FHIP1B: variants seen among roughly 807,000 people sequenced by gnomAD.
FHIP1B encodes the protein FHF complex subunit HOOK-interacting protein 1B.
FHIP1B carries 28 observed loss-of-function variants against 82.2 expected under a neutral mutation model. The ratio of observed to expected loss-of-function variants is 0.34; its 90% CI spans 0.25 to 0.47. The LOEUF (loss-of-function observed/expected upper bound fraction) is 0.47. Ranked by LOEUF, FHIP1B falls within the 20% of genes least tolerant of loss-of-function variation. The pLI, the probability that FHIP1B is intolerant of heterozygous loss-of-function variation, is 1.00. For synonymous variants in FHIP1B, 585 were observed against 516.1 expected (o/e 1.13, Z -1.81); for missense variants, 1,110 against 1,262.6 (o/e 0.88, Z 1.83).
At chr11:6,227,812 G>A (rs989670110) in intron 1 of FHIP1B, among the ~76,000 whole-genome samples, 5 of 152,144 alleles carry the variant, frequency 3.3e-5, no homozygotes, top group African/African-American at 9.7e-5. Context: ...AGAAGACTTT[G>A]AAGGGAGCCA....
chr11:6,211,700 C>A lies in FHIP1B; in HGVS notation c.2725G>T (p.Gly909Cys), dbSNP rs377652633. 2.0e-5 allele frequency: 33 copies of A among 1,614,090 alleles called. No homozygotes were observed. The highest frequency in any genetic ancestry group is 2.8e-5 in the Non-Finnish European group (33 of 1,180,018). The change falls in exon 12 of 12, where the codon GGC becomes TGC. Residue 909 changes from glycine to cysteine, a missense_variant. Around this residue, in one of 6 missense-constraint regions of FHIP1B, gnomAD observed 147 missense variants for 154.0 expected, o/e 0.95. Coordinates refer to ENST00000449352, the MANE Select transcript of FHIP1B (RefSeq NM_001098794.2). ...TCACCTTGGCGTTCAGGGGCCCCGC[C>A]CCGGGTGAGTAGAACTGGAGTTGAA... ...GASTPVLLTR[G>C]GAPERQGEAL...
chr11:6,228,439 T>C (rs1847619662), intron 1 of FHIP1B, among the ~76,000 whole-genome samples: 1 of 152,072 alleles, frequency 6.6e-6, no homozygotes, highest in Non-Finnish European at 1.5e-5. Context: ...ATGGGGAGGC[T>C]CAAGGGTGTC....
intron 4 of FHIP1B, 83 bp downstream of exon 4, chr11:6,222,997 G>A (rs1321313003): frequency 1.9e-6 from 3 of 1,577,702 alleles, no homozygotes; most frequent in East Asian, 4.5e-5. Context: ...CTTCCAAGAT[G>A]GAAAAATGAC....
In FHIP1B at chr11:6,218,714, G is replaced by A. The variant is rs529633386; in HGVS notation, c.1321C>T (p.Arg441Cys). Residue 441 changes from arginine (R) to cysteine (C), a missense_variant, in exon 8 of 12, where the codon CGT becomes TGT. Coordinates refer to ENST00000449352, the MANE Select transcript of FHIP1B (RefSeq NM_001098794.2). The part of the protein sequence containing the change: ...HVMLSQKPAV[R>C]DVDLYGRAAD... ...GCTCGTCCATATAGGTCCACATCAC[G>A]AACAGCCGGCTTCTGGCTCAGCATA... is the stretch of plus-strand genomic sequence containing the variant. 3.2e-5 allele frequency: 51 copies of A among 1,614,122 alleles called. No homozygotes were observed. The highest frequency in any genetic ancestry group is 1.6e-4 in the Middle Eastern group (1 of 6,062).
Position 6,224,064 on chromosome 11 carries a change from C to T in FHIP1B, c.323G>A (p.Arg108His), listed in dbSNP as rs1847493931. ...EFALHEDLLT[R>H]VLTWQLQWDE... Reference sequence around the variant, plus strand: ...CCATTGCAGCTGCCATGTCAACACACGGGTCAGCAGATCCTCGTGCAGAGC... The same window carrying T: ...CCATTGCAGCTGCCATGTCAACACATGGGTCAGCAGATCCTCGTGCAGAGC... The change falls in exon 3 of 12, where the codon CGT (arginine) becomes CAT (histidine). Residue 108 changes from arginine to histidine, a missense_variant. Around this residue, in one of 6 missense-constraint regions of FHIP1B, gnomAD observed 467 missense variants for 602.9 expected, o/e 0.77. Coordinates refer to ENST00000449352, the MANE Select transcript of FHIP1B (RefSeq NM_001098794.2). 2 of 1,613,354 alleles carry T rather than the reference C, an allele frequency of 1.2e-6. No individual in the cohort carries two copies. Among genetic ancestry groups the T allele is most frequent in the Non-Finnish European group, 8.5e-7 (1 of 1,179,592 alleles).
At position 6,223,891 on chromosome 11, in the gene FHIP1B, C is replaced by G; in HGVS notation, c.496G>C (p.Val166Leu). Reference sequence around the variant, plus strand: ...TCATCCAGTGCTGGGCTACTGGGCACAGGGCGGCCACAGGCATCCAGCAGG... The same window carrying G: ...TCATCCAGTGCTGGGCTACTGGGCAGAGGGCGGCCACAGGCATCCAGCAGG... ...LTLLDACGRP[V>L]PSSPALDEGL... is the part of the protein sequence containing the mutation. Residue 166 changes from valine (V) to leucine (L), a missense_variant, in exon 3 of 12, where the codon GTG becomes CTG. By Grantham distance (32) the Val-to-Leu change is conservative (BLOSUM62 1). This residue lies in a region of FHIP1B where 467 missense variants were observed against 602.9 expected (regional missense o/e 0.77). Transcript: ENST00000449352. This position sits in a 1 kb window ranked among gnomAD's most constrained non-coding sequence, Gnocchi z 4.8. The G allele has an allele frequency of 1.2e-6, 2 of 1,614,198 alleles. No individual in the cohort carries two copies. The highest frequency in any genetic ancestry group is 1.7e-6 in the Non-Finnish European group (2 of 1,180,040).
At position 6,218,633 on chromosome 11, in the gene FHIP1B, G is replaced by A. The variant is rs1402230938; in HGVS notation, c.1402C>T (p.Pro468Ser). 7 of 1,614,028 alleles carry A rather than the reference G, an allele frequency of 4.3e-6. No homozygotes were observed. The South Asian group carries it at 4.4e-5, about 10-fold the overall frequency. Reference sequence around the variant, plus strand: ...CATGAGGCATGCTCTGGACGAGGTGGGCTGGGGGCGTGGTGCCGACAACAG... The same window carrying A: ...CATGAGGCATGCTCTGGACGAGGTGAGCTGGGGGCGTGGTGCCGACAACAG... ...PRCCRHHAPS[P>S]PRPEHASWAR... is the part of the protein sequence containing the mutation. The change falls in exon 8 of 12, where the codon CCA becomes TCA. Residue 468 changes from proline to serine, a missense_variant. By Grantham distance (74) the Pro-to-Ser change is moderately conservative. This residue lies in a region of FHIP1B where 418 missense variants were observed against 371.4 expected (regional missense o/e 1.13). Transcript: ENST00000449352.
At position 6,223,220 on chromosome 11, in the gene FHIP1B, T is replaced by TG; in HGVS notation, c.795dup (p.Ser266GlnfsTer12). The TG allele has an allele frequency of 6.3e-7, 1 of 1,590,688 alleles. No individual in the cohort carries two copies. The highest frequency in any genetic ancestry group is 8.5e-7 in the Non-Finnish European group (1 of 1,174,582). ...CGAGGCAGTGATGAGTACAGGGCAC[T>TG]GAGCCCTGTGGCCAGCACCTATGAG... is the stretch of plus-strand genomic sequence containing the variant. On this transcript the variant is annotated frameshift_variant, in exon 4 of 12. Coordinates refer to ENST00000449352, the MANE Select transcript of FHIP1B (RefSeq NM_001098794.2). LOFTEE classifies it high-confidence loss of function. The surrounding 1 kb of genome is among the most constrained non-coding windows in gnomAD (Gnocchi z 4.8).
At chr11:6,214,935 C>T in intron 9 of FHIP1B, 24 bp from the exon 10 acceptor site, 2 of 1,528,496 alleles carry the variant, frequency 1.3e-6, no homozygotes, top group Non-Finnish European at 8.8e-7. Flanking sequence ...GAGGTGGGCA[C>T]AAGGATACAA....
intron 1 of FHIP1B, among the ~76,000 whole-genome samples, chr11:6,228,104 T>C (rs1333650211): frequency 6.6e-6 from 1 of 152,142 alleles, no homozygotes; most frequent in Non-Finnish European, 1.5e-5. Context: ...TCCCAGCACT[T>C]TGGGAGGCCA....
chr11:6,217,564 A>G lies in FHIP1B; in HGVS notation c.2022T>C (p.Phe674=), dbSNP rs1236203495. The G allele has an allele frequency of 3.1e-6, 5 of 1,610,758 alleles. No individual in the cohort carries two copies. The highest frequency in any genetic ancestry group is 4.2e-6 in the Non-Finnish European group (5 of 1,178,012). The part of the protein sequence containing the change: ...ISEGMAGLEG[F]GQELRELEVA... The stretch of plus-strand genomic sequence containing the variant: ...CCTCTAGCTCCCGGAGCTCCTGCCC[A>G]AAGCCCTCTAGTCCTGCCATGCCCT... Residue 674 remains phenylalanine (F), a synonymous_variant, in exon 9 of 12, where the codon TTT becomes TTC. Coordinates refer to ENST00000449352, the MANE Select transcript of FHIP1B (RefSeq NM_001098794.2).
In FHIP1B at chr11:6,223,301, G is replaced by T. The variant is rs1847467625; in HGVS notation, c.778-63C>A. The T allele has an allele frequency of 6.7e-7, 1 of 1,503,548 alleles. No homozygotes were observed. The highest frequency in any genetic ancestry group is 2.2e-5 in the Admixed American group (1 of 45,158). The allele number at this position is 1,503,548 out of a possible 1,614,324, so 93.1% of individuals were successfully genotyped here. On this transcript the variant is annotated intron_variant, in intron 3 of 11. Coordinates refer to ENST00000449352, the MANE Select transcript of FHIP1B (RefSeq NM_001098794.2). This position sits in a 1 kb window ranked among gnomAD's most constrained non-coding sequence, Gnocchi z 4.8. ...TTTATAAAATATAAAAACTGGAACAGGGGAGCTAGTAATCCAGAGTTTTGA... is the reference window on the plus strand; with the variant it reads ...TTTATAAAATATAAAAACTGGAACATGGGAGCTAGTAATCCAGAGTTTTGA...
intron 1 of FHIP1B, among the ~76,000 whole-genome samples, chr11:6,229,360 G>A: frequency 1.3e-5 from 2 of 152,166 alleles, no homozygotes; most frequent in East Asian, 3.9e-4. Flanking sequence ...AACCTATGTA[G>A]CATTCCAACC....
At chr11:6,224,349 G>A (rs1381190051) in intron 2 of FHIP1B, 30 bp downstream of exon 2, 3 of 1,614,120 alleles carry the variant, frequency 1.9e-6, no homozygotes, top group Non-Finnish European at 2.5e-6. Context: ...GTGATCAGCA[G>A]ACAAGGCCCT....
At chr11:6,222,347 C>T in intron 6 of FHIP1B, 95 bp downstream of exon 6, 1 of 1,375,784 alleles carries the variant, frequency 7.3e-7, no homozygotes, top group Non-Finnish European at 1.0e-6. Context: ...GCTGGAGATA[C>T]AGGCAAAAGA....
intron 1 of FHIP1B, among the ~76,000 whole-genome samples, chr11:6,228,937 C>A (rs1290947382): frequency 6.6e-6 from 1 of 152,182 alleles, no homozygotes. Flanking sequence ...CTATGGCTAG[C>A]CCCTCTTACA....
chr11:6,212,122 T>C (rs1590600326), intron 11 of FHIP1B: 1 of 251,806 alleles, frequency 4.0e-6, no homozygotes, highest in Non-Finnish European at 6.3e-6. Flanking sequence ...CCAGCCTTTT[T>C]CCCTCTATCC....
In FHIP1B at chr11:6,211,480, T is replaced by A. The variant is rs1370254613; in HGVS notation, c.*26A>T. The A allele has an allele frequency of 6.5e-7, 1 of 1,547,576 alleles. No individual in the cohort carries two copies. Among genetic ancestry groups the A allele is most frequent in the Non-Finnish European group, 8.7e-7 (1 of 1,151,580 alleles). On this transcript the variant is annotated 3_prime_UTR_variant, in exon 12 of 12. Coordinates refer to ENST00000449352, the MANE Select transcript of FHIP1B (RefSeq NM_001098794.2). ...CCCTAGCCCCAGCCCGGGCCACCCATGGCCCTGATTGTCCATGGAAGAAAG... is the reference window on the plus strand; with the variant it reads ...CCCTAGCCCCAGCCCGGGCCACCCAAGGCCCTGATTGTCCATGGAAGAAAG...
At position 6,223,913 on chromosome 11, in the gene FHIP1B, C is replaced by A; in HGVS notation, c.474G>T (p.Leu158=). 1 of 1,614,180 alleles carries A rather than the reference C, an allele frequency of 6.2e-7. No homozygotes were observed. Among genetic ancestry groups the A allele is most frequent in the Non-Finnish European group, 8.5e-7 (1 of 1,180,008 alleles). The change falls in exon 3 of 12, where the codon CTG becomes CTT. Residue 158 remains leucine (L), a synonymous_variant. Transcript: ENST00000449352. This position sits in a 1 kb window ranked among gnomAD's most constrained non-coding sequence, Gnocchi z 4.8. ...HGPVREALLT[L]LDACGRPVPS... ...GCACAGGGCGGCCACAGGCATCCAG[C>A]AGGGTGAGCAGAGCCTCACGAACTG...
Sources: gnomAD v4.1 joint callset for allele counts (sites outside exome capture counted in the v4.1 genomes callset) on GRCh38, gnomAD v4.1.1 for gene constraint, gnomAD v4.1.1 regional missense constraint, Gnocchi (gnomAD v3.1) non-coding constraint, MANE v1.5 for transcripts, NCBI Gene and HGNC (gene_info 2026-07-23, HGNC 2026-07-21) for gene names.